The following DUSP14 variants were observed in gnomAD, a reference collection of about 807,000 sequenced individuals.
DUSP14 encodes dual specificity protein phosphatase 14.
In DUSP14, 5 loss-of-function variants were observed where a neutral mutation model predicts 13.2. The observed-to-expected ratio is 0.38, with a 90% CI of 0.20 to 0.80. The LOEUF (loss-of-function observed/expected upper bound fraction) is 0.80. DUSP14 is among the 30% of genes least tolerant of loss of function. The pLI, the probability that DUSP14 is intolerant of heterozygous loss-of-function variation, is 0.44. For missense variants in DUSP14, 185 were observed against 264.0 expected (o/e 0.70, Z 2.07); for synonymous variants, 91 against 103.4 (o/e 0.88, Z 0.73).
intron 1 of DUSP14, among the ~76,000 whole-genome samples, chr17:37,501,809 G>T (rs1195098016): frequency 2.0e-5 from 3 of 152,164 alleles, no homozygotes; most frequent in African/African-American, 7.2e-5. Context: ...GAGCCACCGT[G>T]CCTGGCCAAG....
At chr17:37,498,303 C>G (rs1422099323) in intron 1 of DUSP14, among the ~76,000 whole-genome samples, 1 of 133,934 alleles carries the variant, frequency 7.5e-6, no homozygotes. Context: ...GTTTTGTGTA[C>G]TAGATTGTAT....
intron 1 of DUSP14, among the ~76,000 whole-genome samples, chr17:37,509,293 ATATAGTGT>A (rs2054166806): frequency 4.0e-5 from 1 of 25,112 alleles, no homozygotes; most frequent in African/African-American, 1.7e-4. Flanking sequence ...ATATATATAT[ATATAGTGT>A]GTGTGTGTGT....
intron 1 of DUSP14, among the ~76,000 whole-genome samples, chr17:37,493,196 C>G (rs1188042551): frequency 1.3e-5 from 2 of 152,110 alleles, no homozygotes; most frequent in Non-Finnish European, 2.9e-5. Flanking sequence ...CTCCTGGGCT[C>G]AAGGGATCCT....
rs558666917 is a variant in DUSP14 at position 37,491,655 on chromosome 17, G to A, written c.-181+1697G>A. 1.5e-4 allele frequency: 23 copies of A among 152,194 alleles called. No homozygotes were observed. In the South Asian group the frequency reaches 4.2e-3, roughly 27 times the overall value. 9.4% of individuals were successfully genotyped at this position (152,194 alleles called of 1,614,324 possible). On this transcript the variant is annotated intron_variant, in intron 1 of 2. Transcript: ENST00000617516. ...ATGAATTCTGTAATAATAATTAATA[G>A]AATGGCATAAATGTATATTCATATC...
intron 1 of DUSP14, among the ~76,000 whole-genome samples, chr17:37,504,243 A>T (rs1467850740): frequency 1.3e-5 from 2 of 152,168 alleles, no homozygotes; most frequent in African/African-American, 2.4e-5. Context: ...CAGCAAATGC[A>T]GTGTGAACAG....
rs546055615 is a variant in DUSP14 at position 37,495,721 on chromosome 17, G to A, written c.-181+5763G>A. 1.6e-4 allele frequency among the ~76,000 whole-genome samples: 24 copies of A among 151,770 alleles called. No individual in the cohort carries two copies. The East Asian group carries it at 3.1e-3, about 20-fold the overall frequency. On this transcript the variant is annotated intron_variant, in intron 1 of 2. Coordinates refer to ENST00000617516, the MANE Select transcript of DUSP14 (RefSeq NM_007026.4). ...CATCACCAGGCTGGAGTGCAGTGGC[G>A]CGATCTCGGCTCACTGCAACCTCCG...
In DUSP14 at chr17:37,512,799, C is replaced by T; in HGVS notation, c.527C>T (p.Thr176Ile). Residue 176 changes from threonine (T) to isoleucine (I), a missense_variant, in exon 3 of 3, where the codon ACA (threonine) becomes ATA (isoleucine). Coordinates refer to ENST00000617516, the MANE Select transcript of DUSP14 (RefSeq NM_007026.4). This position sits in a 1 kb window ranked among gnomAD's most constrained non-coding sequence, Gnocchi z 4.8. Reference protein sequence around the residue: ...FGKSTVKMVQTPYGIVPDVYE... With the variant: ...FGKSTVKMVQIPYGIVPDVYE... ...AAGTCGACAGTTAAAATGGTACAGACACCTTATGGCATAGTTCCCGACGTC... is the reference window on the plus strand; with the variant it reads ...AAGTCGACAGTTAAAATGGTACAGATACCTTATGGCATAGTTCCCGACGTC... The T allele has an allele frequency of 6.2e-7, 1 of 1,613,714 alleles. No individual in the cohort carries two copies. Among genetic ancestry groups the T allele is most frequent in the Non-Finnish European group, 8.5e-7 (1 of 1,179,998 alleles).
rs2054014924 is a variant in DUSP14, at chr17:37,489,937, C to CGCGCA, written c.-200_-199insGCAGC. The CGCGCA allele has an allele frequency of 7.8e-5, 1 of 12,838 alleles. No homozygotes were observed. The highest frequency in any genetic ancestry group is 2.8e-3 in the South Asian group (1 of 354). The allele number at this position is 12,838 out of a possible 1,614,324, so 0.8% of individuals were successfully genotyped here. A position where few individuals can be genotyped will look rare whatever the true frequency, so the allele number is the denominator to read the frequency against. On this transcript the variant is annotated 5_prime_UTR_variant, in exon 1 of 3. Coordinates refer to ENST00000617516, the MANE Select transcript of DUSP14 (RefSeq NM_007026.4). The stretch of plus-strand genomic sequence containing the variant: ...GGAGGACGGAGCCCTAACCGCAACC[C>CGCGCA]GCTCCGCGCCGCGCCGCGCCGGTAG...
intron 1 of DUSP14, among the ~76,000 whole-genome samples, chr17:37,502,942 C>G (rs1478715057): frequency 6.6e-6 from 1 of 152,186 alleles, no homozygotes; most frequent in Non-Finnish European, 1.5e-5. Flanking sequence ...GCCATCGTAG[C>G]CCCCTACAAC....
chr17:37,504,663 G>A (rs1281851445), intron 1 of DUSP14, among the ~76,000 whole-genome samples: 1 of 151,198 alleles, frequency 6.6e-6, no homozygotes, highest in Non-Finnish European at 1.5e-5. Flanking sequence ...CTGCAGCCTC[G>A]ACTTCCCAGA....
At chr17:37,488,902 G>A (rs2054006476), upstream of DUSP14, among the ~76,000 whole-genome samples, 1 of 152,142 alleles carries the variant, frequency 6.6e-6, no homozygotes, top group Non-Finnish European at 1.5e-5. Flanking sequence ...TACTCGTTTT[G>A]ACTGCTCAGC....
intron 1 of DUSP14, among the ~76,000 whole-genome samples, chr17:37,500,038 G>A (rs1452627358): frequency 1.3e-5 from 2 of 152,210 alleles, no homozygotes; most frequent in East Asian, 1.9e-4. Flanking sequence ...CAGTGCAGTC[G>A]GACTGCTCTC....
chr17:37,492,642 G>A (rs939462741), intron 1 of DUSP14, among the ~76,000 whole-genome samples: 2 of 152,178 alleles, frequency 1.3e-5, no homozygotes, highest in African/African-American at 4.8e-5. Flanking sequence ...GAGAGAGTTG[G>A]CCAGAATTGT....
chr17:37,512,703 G>A lies in DUSP14; in HGVS notation c.431G>A (p.Arg144Gln), dbSNP rs763979367. ...LLEAYNWVKA[R>Q]RPVIRPNVGF... ...GAGGCGTACAACTGGGTGAAAGCCC[G>A]GCGACCTGTCATCAGGCCCAACGTA... The change falls in exon 3 of 3, where the codon CGG (arginine) becomes CAG (glutamine). Residue 144 changes from arginine to glutamine, a missense_variant. Coordinates refer to ENST00000617516, the MANE Select transcript of DUSP14 (RefSeq NM_007026.4). The surrounding 1 kb of genome is among the most constrained non-coding windows in gnomAD (Gnocchi z 4.8). 1.5e-5 allele frequency: 24 copies of A among 1,614,058 alleles called. No individual in the cohort carries two copies. Among genetic ancestry groups the A allele is most frequent in the Middle Eastern group, 1.6e-4 (1 of 6,062 alleles).
chr17:37,510,522 C>A (rs1176863043), intron 1 of DUSP14, 155 bp from the exon 2 acceptor site: 8 of 152,212 alleles, frequency 5.3e-5, no homozygotes. Context: ...GTGTTTCTTA[C>A]TGGTGCAGCC....
chr17:37,500,208 G>A (rs992283927), intron 1 of DUSP14, among the ~76,000 whole-genome samples: 1 of 152,252 alleles, frequency 6.6e-6, no homozygotes, highest in Non-Finnish European at 1.5e-5. Flanking sequence ...TACATTATAA[G>A]TGAAGTTAAT....
chr17:37,504,584 C>A (rs1324768636), intron 1 of DUSP14, among the ~76,000 whole-genome samples: 1 of 152,138 alleles, frequency 6.6e-6, no homozygotes, highest in Admixed American at 6.6e-5. Context: ...ATATCTTTTA[C>A]TTCATTTTAC....
intron 1 of DUSP14, among the ~76,000 whole-genome samples, chr17:37,509,111 A>ATATATATGTGTG (rs1245854314): frequency 3.0e-5 from 1 of 33,460 alleles, no homozygotes; most frequent in Non-Finnish European, 5.3e-5. Flanking sequence ...ACCCATATAT[A>ATATATATGTGTG]TATATATATA....
intron 1 of DUSP14, among the ~76,000 whole-genome samples, chr17:37,504,280 A>G (rs1009050299): frequency 1.3e-5 from 2 of 152,194 alleles, no homozygotes; most frequent in Non-Finnish European, 2.9e-5. Context: ...GGACATCGAG[A>G]TGGCTGGCCT....
Sources: gnomAD v4.1 joint callset for allele counts (sites outside exome capture counted in the v4.1 genomes callset) on GRCh38, gnomAD v4.1.1 for gene constraint, Gnocchi (gnomAD v3.1) non-coding constraint, MANE v1.5 for transcripts, NCBI Gene and HGNC (gene_info 2026-07-23, HGNC 2026-07-21) for gene names.